Variants in HIVEP1 observed in about 807,000 individuals in gnomAD.
HIVEP1 encodes the protein zinc finger protein 40.
In HIVEP1, 36 loss-of-function variants were observed where a neutral mutation model predicts 180.0. That is an observed-to-expected ratio of 0.20 (90% CI 0.15 to 0.26). The LOEUF (loss-of-function observed/expected upper bound fraction) is 0.26. Among genes scored for constraint, HIVEP1 ranks in the 10% least tolerant of loss-of-function variants. The probability of loss-of-function intolerance (pLI) is 1.00; values close to 1 mark genes in which losing one functional copy is unlikely to be tolerated. For missense variants in HIVEP1, 3,143 were observed against 3,268.7 expected (o/e 0.96, Z 0.94); for synonymous variants, 1,239 against 1,239.0 (o/e 1.00, Z 0.00).
chr6:12,111,833 G>A (rs565657625), intron 3 of HIVEP1, among the ~76,000 whole-genome samples: 4 of 152,280 alleles, frequency 2.6e-5, no homozygotes, highest in African/African-American at 4.8e-5. Context: ...CATTTGCAGC[G>A]TCCCCTTTGC....
chr6:12,010,245 A>G (rs1767201722), upstream of HIVEP1, among the ~76,000 whole-genome samples: 2 of 152,250 alleles, frequency 1.3e-5, no homozygotes, highest in African/African-American at 2.4e-5. Context: ...GCTAGACATA[A>G]TTGTACATGT....
chr6:12,132,469 G>T (rs1407329717), intron 6 of HIVEP1, among the ~76,000 whole-genome samples: 1 of 152,110 alleles, frequency 6.6e-6, no homozygotes, highest in Non-Finnish European at 1.5e-5. Context: ...TATTTATCAA[G>T]TAAGGGCAAA....
At chr6:12,059,372 G>T (rs2113746960) in intron 2 of HIVEP1, among the ~76,000 whole-genome samples, 1 of 152,194 alleles carries the variant, frequency 6.6e-6, no homozygotes, top group African/African-American at 2.4e-5. Context: ...ATTTTTTGGG[G>T]GGCGGGGTAC....
Position 12,123,974 on chromosome 6 carries a change from C to T in HIVEP1, c.4179C>T (p.Ile1393=). 1 of 1,614,090 alleles carries T rather than the reference C, an allele frequency of 6.2e-7. No homozygotes were observed. The highest frequency in any genetic ancestry group is 1.3e-5 in the African/African-American group (1 of 75,032). Residue 1393 remains isoleucine, a synonymous_variant, in exon 4 of 9, where the codon ATC becomes ATT. Coordinates refer to ENST00000379388, the MANE Select transcript of HIVEP1 (RefSeq NM_002114.4). ...LRSKSFDCGS[I]TPPQTTPLTE... ...GCAAATCATTCGATTGTGGAAGCATCACCCCACCCCAGACAACACCACTTA... is the reference window on the plus strand; with the variant it reads ...GCAAATCATTCGATTGTGGAAGCATTACCCCACCCCAGACAACACCACTTA...
the HIVEP1 span, among the ~76,000 whole-genome samples, chr6:12,210,060 G>A: frequency 1.3e-5 from 2 of 151,738 alleles, no homozygotes; most frequent in Non-Finnish European, 2.9e-5. Flanking sequence ...CCAGGATCGT[G>A]CCACTGCACT....
At chr6:12,070,442 C>T (rs1010762611) in intron 2 of HIVEP1, among the ~76,000 whole-genome samples, 1 of 152,118 alleles carries the variant, frequency 6.6e-6, no homozygotes, top group African/African-American at 2.4e-5. Context: ...AATCTCAGCA[C>T]TTTGGGAGGC....
chr6:12,030,995 G>A (rs1768901333), intron 2 of HIVEP1, among the ~76,000 whole-genome samples: 1 of 152,150 alleles, frequency 6.6e-6, no homozygotes, highest in Admixed American at 6.5e-5. Flanking sequence ...TTGTGTGGCT[G>A]CTGATGGCTC....
intron 2 of HIVEP1, among the ~76,000 whole-genome samples, chr6:12,082,852 A>C (rs1027365413): frequency 6.6e-6 from 1 of 151,668 alleles, no homozygotes; most frequent in Non-Finnish European, 1.5e-5. Flanking sequence ...ATGCTGAGCC[A>C]AATGGACTAT....
intron 3 of HIVEP1, among the ~76,000 whole-genome samples, chr6:12,116,285 T>C (rs972822884): frequency 2.6e-5 from 4 of 152,156 alleles, no homozygotes; most frequent in Non-Finnish European, 5.9e-5. Flanking sequence ...GTCTGCTGCC[T>C]TCCACTCTAG....
At chr6:12,142,986 A>G (rs1380496091) in intron 7 of HIVEP1, among the ~76,000 whole-genome samples, 1 of 152,246 alleles carries the variant, frequency 6.6e-6, no homozygotes, top group Non-Finnish European at 1.5e-5. Flanking sequence ...TCCTTCTGAA[A>G]CTATTCCAAT....
upstream of HIVEP1, among the ~76,000 whole-genome samples, chr6:12,009,208 G>T (rs1767157228): frequency 6.8e-6 from 1 of 148,094 alleles, no homozygotes; most frequent in African/African-American, 2.4e-5. Context: ...GGGTGCCTGA[G>T]CCGGGCCCGG....
chr6:12,176,686 T>C, the HIVEP1 span, among the ~76,000 whole-genome samples: 2 of 152,214 alleles, frequency 1.3e-5, no homozygotes, highest in African/African-American at 4.8e-5. Flanking sequence ...AGCATTGTTT[T>C]TTTTTCTTTT....
intron 1 of HIVEP1, chr6:12,012,802 C>A (rs953351789): frequency 2.6e-5 from 4 of 152,888 alleles, no homozygotes; most frequent in African/African-American, 9.7e-5. Flanking sequence ...ACAGAGGGAC[C>A]CAGCCTCCCC....
At chr6:12,037,501 G>T (rs1769361284) in intron 2 of HIVEP1, among the ~76,000 whole-genome samples, 3 of 152,088 alleles carry the variant, frequency 2.0e-5, no homozygotes, top group South Asian at 4.1e-4. Flanking sequence ...ATTCCTTTCT[G>T]CATTTTATTG....
At chr6:12,030,675 A>G (rs1388518350) in intron 2 of HIVEP1, among the ~76,000 whole-genome samples, 2 of 152,146 alleles carry the variant, frequency 1.3e-5, no homozygotes, top group African/African-American at 4.8e-5. Flanking sequence ...ATTTGTTGTT[A>G]TAATCATACT....
At chr6:12,190,721 C>T in the HIVEP1 span, among the ~76,000 whole-genome samples, 510 of 152,120 alleles carry the variant, frequency 3.4e-3, 4 homozygotes, top group African/African-American at 0.012. Flanking sequence ...AGTGTTTTTC[C>T]ACACCCCTCC....
At chr6:12,100,947 G>A (rs1402318284) in intron 3 of HIVEP1, among the ~76,000 whole-genome samples, 1 of 152,118 alleles carries the variant, frequency 6.6e-6, no homozygotes, top group East Asian at 1.9e-4. Flanking sequence ...CTGGTCCCAA[G>A]CATTTTGGAT....
intron 7 of HIVEP1, among the ~76,000 whole-genome samples, chr6:12,147,690 A>G (rs1243987863): frequency 6.6e-6 from 1 of 152,222 alleles, no homozygotes; most frequent in African/African-American, 2.4e-5. Flanking sequence ...TGAGTGTTTT[A>G]TAAAAGAAGT....
chr6:12,163,851 C>G lies in HIVEP1; in HGVS notation c.7547C>G (p.Ala2516Gly). The change falls in exon 9 of 9, where the codon GCT becomes GGT. Residue 2516 changes from alanine (A) to glycine (G), a missense_variant. Ala to Gly is a moderately conservative substitution (Grantham distance 60). Transcript: ENST00000379388. Reference protein sequence around the residue: ...MAPQVHPPGLALNAVGLQVLT... With the variant: ...MAPQVHPPGLGLNAVGLQVLT... Reference sequence around the variant, plus strand: ...CCACAAGTCCATCCACCAGGACTGGCTCTGAATGCTGTCGGACTGCAGGTT... The same window carrying G: ...CCACAAGTCCATCCACCAGGACTGGGTCTGAATGCTGTCGGACTGCAGGTT... 5 of 1,614,208 alleles carry G rather than the reference C, an allele frequency of 3.1e-6. No individual in the cohort carries two copies. The highest frequency in any genetic ancestry group is 4.2e-6 in the Non-Finnish European group (5 of 1,180,036).
Sources: gnomAD v4.1 joint callset for allele counts (sites outside exome capture counted in the v4.1 genomes callset) on GRCh38, gnomAD v4.1.1 for gene constraint, MANE v1.5 for transcripts, NCBI Gene and HGNC (gene_info 2026-07-23, HGNC 2026-07-21) for gene names.